The following TMEM272 variants were observed in gnomAD, a reference collection of about 807,000 sequenced individuals.
The protein encoded by TMEM272 is transmembrane protein 272, also known as long intergenic non-protein coding RNA 282.
Under a neutral mutation model 3.7 loss-of-function variants are expected in TMEM272, and 8 were observed. That is an observed-to-expected ratio of 2.17 (90% confidence interval 1.27 to 3.91). The LOEUF (loss-of-function observed/expected upper bound fraction) is 3.91. Among genes scored for constraint, TMEM272 ranks in the 30% most tolerant of loss-of-function variants. The probability of loss-of-function intolerance (pLI) is 0.00; values close to 1 mark genes in which losing one functional copy is unlikely to be tolerated. For missense variants in TMEM272, 166 were observed against 91.5 expected, an observed-to-expected ratio of 1.81 and a Z score of -3.32; for synonymous variants, 63 against 39.8, an observed-to-expected ratio of 1.58 and a Z score of -2.20.
At chr13:51,898,905 T>C in the TMEM272 span, among the ~76,000 whole-genome samples, 1 of 152,062 alleles carries the variant, frequency 6.6e-6, no homozygotes, top group Non-Finnish European at 1.5e-5. Context: ...CTCCTCACTT[T>C]CTCTGCCTCA....
chr13:51,902,862 C>G, the TMEM272 span, among the ~76,000 whole-genome samples: 1 of 152,272 alleles, frequency 6.6e-6, no homozygotes, highest in East Asian at 1.9e-4. Flanking sequence ...ACAGCCCTGA[C>G]AGCAATTGGT....
At chr13:51,823,412 G>A (rs935018198) in intron 3 of TMEM272, among the ~76,000 whole-genome samples, 5 of 152,228 alleles carry the variant, frequency 3.3e-5, no homozygotes, top group African/African-American at 9.6e-5. Flanking sequence ...TACATGATTC[G>A]TTGTTTGCTT....
the TMEM272 span, among the ~76,000 whole-genome samples, chr13:51,902,533 A>G: frequency 6.6e-6 from 1 of 152,244 alleles, no homozygotes; most frequent in South Asian, 2.1e-4. Flanking sequence ...GTATGTTATC[A>G]TAGCTACTCT....
the TMEM272 span, among the ~76,000 whole-genome samples, chr13:51,901,923 A>T: frequency 6.6e-6 from 1 of 152,162 alleles, no homozygotes. Flanking sequence ...CAGAGCAAAA[A>T]CGCCAGGCCT....
At chr13:51,866,038 C>G in the TMEM272 span, 1 of 1,603,522 alleles carries the variant, frequency 6.2e-7, no homozygotes, top group Non-Finnish European at 8.5e-7. Context: ...ACAACGCCAA[C>G]AGAGGGCAGC....
chr13:51,868,208 C>T, the TMEM272 span, among the ~76,000 whole-genome samples: 37 of 152,190 alleles, frequency 2.4e-4, no homozygotes, highest in Non-Finnish European at 4.9e-4. Context: ...TGTTTGGGAA[C>T]GAGCTAATTC....
At chr13:51,851,884 G>C in the TMEM272 span, among the ~76,000 whole-genome samples, 1 of 152,196 alleles carries the variant, frequency 6.6e-6, no homozygotes, top group South Asian at 2.1e-4. Flanking sequence ...GTTTATGTAA[G>C]TGGTTCCCTA....
At position 51,816,996 on chromosome 13, in the gene TMEM272, T is replaced by G. The variant is rs1476663133; in HGVS notation, c.319A>C (p.Ile107Leu). 1 of 702,866 alleles carries G rather than the reference T, an allele frequency of 1.4e-6. No individual in the cohort carries two copies. The allele number at this position is 702,866 out of a possible 1,614,324, so 43.5% of individuals were successfully genotyped here. ...AGGAAGAGGCTCAGCAGGAGGTGGATGTAGTATCTGTGCGCATTCTGCCTC... is the reference window on the plus strand; with the variant it reads ...AGGAAGAGGCTCAGCAGGAGGTGGAGGTAGTATCTGTGCGCATTCTGCCTC... The part of the protein sequence containing the change: ...PWRQNAHRYY[I>L]HLLLSLFLFL... The change falls in exon 5 of 5, where the codon ATC (isoleucine) becomes CTC (leucine). Residue 107 changes from isoleucine to leucine, a missense_variant. Coordinates refer to ENST00000629372, the MANE Select transcript of TMEM272 (RefSeq NM_001351003.2).
At position 51,825,676 on chromosome 13, in the gene TMEM272, C is replaced by T. The variant is rs190433714; in HGVS notation, c.118+890G>A. 3.4e-3 allele frequency among the ~76,000 whole-genome samples: 517 copies of T among 151,230 alleles called. 2 individuals carry two copies. The highest frequency in any genetic ancestry group is 0.012 in the African/African-American group (494 of 41,148). The stretch of plus-strand genomic sequence containing the variant: ...GGAGACAGGGTCTCAGTCCTGTTGC[C>T]CAGGCTGGAGGTATAGTGGCACGAT... On this transcript the variant is annotated intron_variant, in intron 3 of 4. Coordinates refer to ENST00000629372, the MANE Select transcript of TMEM272 (RefSeq NM_001351003.2).
intron 1 of TMEM272, among the ~76,000 whole-genome samples, chr13:51,844,257 T>C (rs889711818): frequency 2.0e-5 from 3 of 152,136 alleles, no homozygotes; most frequent in African/African-American, 4.8e-5. Flanking sequence ...TATATATATA[T>C]GATTGTGTTT....
At chr13:51,833,860 T>C (rs1390045613) in intron 2 of TMEM272, among the ~76,000 whole-genome samples, 1 of 152,170 alleles carries the variant, frequency 6.6e-6, no homozygotes, top group Non-Finnish European at 1.5e-5. Context: ...TTGTGCTTCT[T>C]GAAGCCCACC....
chr13:51,874,146 T>C, the TMEM272 span, among the ~76,000 whole-genome samples: 2 of 152,160 alleles, frequency 1.3e-5, no homozygotes, highest in African/African-American at 2.4e-5. Context: ...CCTGGGACAG[T>C]AGTGTGAGCC....
chr13:51,843,463 C>A (rs1233857521), intron 1 of TMEM272, among the ~76,000 whole-genome samples: 10 of 152,122 alleles, frequency 6.6e-5, no homozygotes, highest in African/African-American at 2.4e-4. Flanking sequence ...GCAAGAGATG[C>A]CCAATAGAGC....
At chr13:51,860,000 T>G in the TMEM272 span, among the ~76,000 whole-genome samples, 2 of 152,042 alleles carry the variant, frequency 1.3e-5, no homozygotes, top group Non-Finnish European at 2.9e-5. Context: ...GAAATGATCC[T>G]TCCTTCCTCA....
At chr13:51,833,009 G>T (rs1956185865) in intron 2 of TMEM272, among the ~76,000 whole-genome samples, 1 of 152,216 alleles carries the variant, frequency 6.6e-6, no homozygotes, top group Admixed American at 6.5e-5. Context: ...GGAGGAAAGA[G>T]TCCCCAGGAA....
At chr13:51,915,557 G>T in the TMEM272 span, among the ~76,000 whole-genome samples, 1 of 152,174 alleles carries the variant, frequency 6.6e-6, no homozygotes, top group South Asian at 2.1e-4. Context: ...CAGATCTGGG[G>T]TTCCTCTACT....
chr13:51,851,795 T>G, the TMEM272 span, among the ~76,000 whole-genome samples: 1 of 152,244 alleles, frequency 6.6e-6, no homozygotes, highest in Non-Finnish European at 1.5e-5. Flanking sequence ...AGTGCTGGGA[T>G]TACAGGCGTG....
chr13:51,876,976 C>T, the TMEM272 span, among the ~76,000 whole-genome samples: 1 of 152,170 alleles, frequency 6.6e-6, no homozygotes, highest in African/African-American at 2.4e-5. Context: ...AATTTCTACA[C>T]TGCATGAAAC....
At chr13:51,934,045 G>A in the TMEM272 span, 7 of 153,988 alleles carry the variant, frequency 4.5e-5, no homozygotes, top group African/African-American at 1.7e-4. Context: ...TTGAAGAAGA[G>A]TGTGGCAAGC....
Sources: allele counts gnomAD v4.1 joint callset (sites outside exome capture counted in the v4.1 genomes callset), GRCh38; gene constraint gnomAD v4.1.1; transcripts MANE v1.5; gene names NCBI Gene and HGNC (gene_info 2026-07-23, HGNC 2026-07-21).